Variants in CSMD2 observed in about 807,000 individuals in gnomAD.
CSMD2 encodes the protein CUB and Sushi multiple domains 2.
A neutral mutation model predicts 398.5 loss-of-function variants in CSMD2; 130 were observed. That is an observed-to-expected ratio of 0.33 (90% CI 0.28 to 0.38). The LOEUF is 0.38. CSMD2 is among the 10% of genes least tolerant of loss of function. The pLI, the probability that CSMD2 is intolerant of heterozygous loss-of-function variation, is 1.00. For synonymous variants in CSMD2, 1,828 were observed against 1,908.5 expected (o/e 0.96, Z 1.10); for missense variants, 3,829 against 4,764.9 (o/e 0.80, Z 5.78).
chr1:33,941,410 T>C (rs1371291318), intron 3 of CSMD2, among the ~76,000 whole-genome samples: 1 of 152,192 alleles, frequency 6.6e-6, no homozygotes. Context: ...AAGTAACTTG[T>C]TTCATCTCCA....
intron 57 of CSMD2, among the ~76,000 whole-genome samples, chr1:33,543,486 T>C (rs527240928): frequency 1.3e-5 from 2 of 152,360 alleles, no homozygotes; most frequent in East Asian, 3.9e-4. Flanking sequence ...ATGGTATTCA[T>C]AGGTGGTTTT....
chr1:33,950,304 A>G (rs904485355), intron 3 of CSMD2, among the ~76,000 whole-genome samples: 3 of 151,102 alleles, frequency 2.0e-5, no homozygotes, highest in African/African-American at 7.3e-5. Flanking sequence ...AGCCCCACCC[A>G]TGTCTCCAAC....
chr1:33,864,713 T>C (rs775804375), intron 5 of CSMD2: 1 of 1,612,822 alleles, frequency 6.2e-7, no homozygotes, highest in Non-Finnish European at 8.5e-7. Flanking sequence ...GAATGTCAGC[T>C]AGAAACCGGT....
intron 38 of CSMD2, 72 bp from the exon 39 acceptor site, chr1:33,617,047 A>G (rs950546209): frequency 4.9e-6 from 6 of 1,228,758 alleles, no homozygotes; most frequent in Admixed American, 1.7e-5. Flanking sequence ...CAGGGGCTGT[A>G]CAGGGGTCTG....
chr1:33,902,546 T>C (rs1463996380), intron 5 of CSMD2, among the ~76,000 whole-genome samples: 1 of 152,212 alleles, frequency 6.6e-6, no homozygotes. Flanking sequence ...GGGAATCACC[T>C]TGTCACCCTG....
Position 33,559,365 on chromosome 1 carries a change from T to C in CSMD2, c.8489A>G (p.Glu2830Gly). The change falls in exon 54 of 71, where the codon GAG becomes GGG. Residue 2830 changes from glutamate (E) to glycine (G), a missense_variant. Around this residue, in one of 5 missense-constraint regions of CSMD2, gnomAD observed 917 missense variants for 1,199.5 expected, o/e 0.76. Coordinates refer to ENST00000373381, the MANE Select transcript of CSMD2 (RefSeq NM_001281956.2). This position sits in a 1 kb window ranked among gnomAD's most constrained non-coding sequence, Gnocchi z 4.0. ...CAGGCATTGGGACCTAGCAGCCCCC[T>C]CAGCCATATACCCAGGGTTGCAAAC... is the stretch of plus-strand genomic sequence containing the variant. ...KFVCNPGYMA[E>G]GAARSQCLAS... The C allele has an allele frequency of 6.5e-7, 1 of 1,536,094 alleles. No homozygotes were observed. The highest frequency in any genetic ancestry group is 8.7e-7 in the Non-Finnish European group (1 of 1,146,912).
chr1:33,825,687 G>A lies in CSMD2; in HGVS notation c.1111+10C>T, dbSNP rs534878110. On this transcript the variant is annotated intron_variant, in intron 7 of 70. Coordinates refer to ENST00000373381, the MANE Select transcript of CSMD2 (RefSeq NM_001281956.2). ...AGGCCCGGCAGGCGGGCTGGCGGGC[G>A]GACACTTACACACAGACGTCTTCTG... 6.9e-6 allele frequency: 11 copies of A among 1,592,784 alleles called. No homozygotes were observed. Among genetic ancestry groups the A allele is most frequent in the African/African-American group, 5.4e-5 (4 of 74,616 alleles).
At chr1:33,589,535 C>T (rs986818208) in intron 44 of CSMD2, among the ~76,000 whole-genome samples, 2 of 152,154 alleles carry the variant, frequency 1.3e-5, no homozygotes, top group African/African-American at 2.4e-5. Context: ...GCATTTTTCA[C>T]GTTAATGGCC....
chr1:33,678,794 G>T (rs1265274287), intron 25 of CSMD2, among the ~76,000 whole-genome samples: 1 of 152,174 alleles, frequency 6.6e-6, no homozygotes, highest in Non-Finnish European at 1.5e-5. Flanking sequence ...TCCAGCATTG[G>T]TGTCTATAGC....
intron 29 of CSMD2, among the ~76,000 whole-genome samples, chr1:33,645,389 A>G (rs1643370039): frequency 6.9e-6 from 1 of 145,378 alleles, no homozygotes; most frequent in Non-Finnish European, 1.5e-5. Flanking sequence ...ACACACACAC[A>G]CACATATATA....
At position 33,714,678 on chromosome 1, in the gene CSMD2, G is replaced by C; in HGVS notation, c.3315C>G (p.Cys1105Trp). 6.2e-7 allele frequency: 1 copy of C among 1,614,078 alleles called. No individual in the cohort carries two copies. The highest frequency in any genetic ancestry group is 8.5e-7 in the Non-Finnish European group (1 of 1,180,046). The change falls in exon 21 of 71, where the codon TGC becomes TGG. Residue 1105 changes from cysteine (C) to tryptophan (W), a missense_variant. This residue lies in a region of CSMD2 where 2,001 missense variants were observed against 2,567.1 expected (regional missense o/e 0.78). Transcript: ENST00000373381. ...FGVGDTLTFS[C>W]FPGYRLEGTA... Reference sequence around the variant, plus strand: ...TGCCCTCCAGACGGTACCCGGGGAAGCAGGAGAAGGTCAAGGTGTCGCCCA... The same window carrying C: ...TGCCCTCCAGACGGTACCCGGGGAACCAGGAGAAGGTCAAGGTGTCGCCCA...
At chr1:34,029,389 G>C (rs1024015475) in intron 3 of CSMD2, among the ~76,000 whole-genome samples, 11 of 152,188 alleles carry the variant, frequency 7.2e-5, no homozygotes, top group African/African-American at 2.7e-4. Flanking sequence ...GTCAGGTACA[G>C]GTTCAACCCG....
chr1:33,864,543 TG>T, intron 5 of CSMD2: 1 of 1,614,040 alleles, frequency 6.2e-7, no homozygotes, highest in Non-Finnish European at 8.5e-7. Context: ...GAACCCGAAC[TG>T]GTCGGTGGTG....
At chr1:33,607,933 G>GC (rs1478642088) in intron 41 of CSMD2, among the ~76,000 whole-genome samples, 6 of 152,190 alleles carry the variant, frequency 3.9e-5, no homozygotes, top group Non-Finnish European at 5.9e-5. Context: ...GCAACTCGCT[G>GC]CCCCCTGGCC....
In CSMD2 at chr1:33,874,139, G is replaced by T. The variant is rs543380965; in HGVS notation, c.921-27143C>A. On this transcript the variant is annotated intron_variant, in intron 5 of 70. Coordinates refer to ENST00000373381, the MANE Select transcript of CSMD2 (RefSeq NM_001281956.2). Reference sequence around the variant, plus strand: ...CCCTCAACTGGTAGAGAAGGGAAGGGATCTTGCCTTATTCATCACAGTGCT... The same window carrying T: ...CCCTCAACTGGTAGAGAAGGGAAGGTATCTTGCCTTATTCATCACAGTGCT... Among the ~76,000 whole-genome samples the T allele has an allele frequency of 7.9e-4, 120 of 152,306 alleles. 2 individuals are homozygous for T. The South Asian group carries it at 0.023, about 29-fold the overall frequency.
intron 1 of CSMD2, among the ~76,000 whole-genome samples, chr1:34,121,101 T>C (rs1317023507): frequency 6.6e-6 from 1 of 152,198 alleles, no homozygotes; most frequent in Non-Finnish European, 1.5e-5. Context: ...GAAGAGTGTG[T>C]GCCTACATGA....
At chr1:33,719,152 G>A (rs946725333) in intron 19 of CSMD2, among the ~76,000 whole-genome samples, 3 of 152,142 alleles carry the variant, frequency 2.0e-5, no homozygotes, top group African/African-American at 7.2e-5. Context: ...AAGGCTTGTG[G>A]GTGCATGTGC....
chr1:34,070,657 C>T (rs1655636783), intron 2 of CSMD2, among the ~76,000 whole-genome samples: 1 of 152,202 alleles, frequency 6.6e-6, no homozygotes, highest in Non-Finnish European at 1.5e-5. Flanking sequence ...TACAAATCTG[C>T]CTCTGTCTGC....
chr1:33,942,218 A>G (rs74069869), intron 3 of CSMD2, among the ~76,000 whole-genome samples: 7,999 of 152,328 alleles, frequency 0.053, 378 homozygotes, highest in African/African-American at 0.13. Context: ...GGGCAGAGGC[A>G]GGTTTTCACA....
Sources: allele counts gnomAD v4.1 joint callset (sites outside exome capture counted in the v4.1 genomes callset), GRCh38; gene constraint gnomAD v4.1.1; regional missense constraint gnomAD v4.1.1; non-coding constraint Gnocchi (gnomAD v3.1); transcripts MANE v1.5; gene names NCBI Gene and HGNC (gene_info 2026-07-23, HGNC 2026-07-21).